Variants in GUCY2D observed in about 807,000 individuals in gnomAD.
GUCY2D encodes retinal guanylyl cyclase 1.
A neutral mutation model predicts 101.3 loss-of-function variants in GUCY2D; 70 were observed. That is an observed-to-expected ratio of 0.69 (90% confidence interval 0.57 to 0.84). The LOEUF is 0.84. Among genes scored for constraint, GUCY2D ranks in the 40% least tolerant of loss-of-function variants. The pLI, the probability that GUCY2D is intolerant of heterozygous loss-of-function variation, is 0.00. For missense variants in GUCY2D, 1,460 were observed against 1,542.5 expected, an observed-to-expected ratio of 0.95 and a Z score of 0.90; for synonymous variants, 688 against 670.7, an observed-to-expected ratio of 1.03 and a Z score of -0.40.
At position 8,002,851 on chromosome 17, in the gene GUCY2D, C is replaced by T; in HGVS notation, c.-10+117C>T. 1.8e-6 allele frequency: 1 copy of T among 541,574 alleles called. No individual in the cohort carries two copies. The highest frequency in any genetic ancestry group is 3.2e-6 in the Non-Finnish European group (1 of 312,076). The allele number at this position is 541,574 out of a possible 1,614,324, so 33.5% of individuals were successfully genotyped here. On this transcript the variant is annotated intron_variant, in intron 1 of 19. Transcript: ENST00000254854. The surrounding 1 kb of genome is among the most constrained non-coding windows in gnomAD (Gnocchi z 4.9). Reference sequence around the variant, plus strand: ...GGCAGGCCGGGTGGGAGCGGGAAGCCGGGGCGGCAGAAGGGGGCTTCGGGG... The same window carrying T: ...GGCAGGCCGGGTGGGAGCGGGAAGCTGGGGCGGCAGAAGGGGGCTTCGGGG...
Position 8,014,678 on chromosome 17 carries a change from C to A in GUCY2D, c.2490C>A (p.Asn830Lys). 1 of 1,614,008 alleles carries A rather than the reference C, an allele frequency of 6.2e-7. No homozygotes were observed. The highest frequency in any genetic ancestry group is 8.5e-7 in the Non-Finnish European group (1 of 1,179,932). ...GGATGCTGGAGCAGTACTCTAGTAA[C>A]CTGGAGGATCTGATCCGGGAGCGCA... Reference protein sequence around the residue: ...MLRMLEQYSSNLEDLIRERTE... With the variant: ...MLRMLEQYSSKLEDLIRERTE... Residue 830 changes from asparagine (N) to lysine (K), a missense_variant, in exon 13 of 20, where the codon AAC becomes AAA. Transcript: ENST00000254854. This position sits in a 1 kb window ranked among gnomAD's most constrained non-coding sequence, Gnocchi z 4.0.
chr17:8,007,895 A>G (rs762303998), intron 6 of GUCY2D, 36 bp from the exon 7 acceptor site: 9 of 1,304,518 alleles, frequency 6.9e-6, no homozygotes, highest in Non-Finnish European at 1.0e-5. Context: ...ACACCAGAAT[A>G]TATTTTGACC....
In GUCY2D at chr17:8,006,443, T is replaced by TGGC. The variant is rs776680792; in HGVS notation, c.1108_1110dup (p.Gly370dup). ...TGGCAGAAGCGCGGGCTGCCGCAGG[T>TGGC]GGCAGATGGGTGTCCGGAGCAGCTG... On this transcript the variant is annotated inframe_insertion, in exon 4 of 20. Transcript: ENST00000254854. 2 of 1,604,804 alleles carry TGGC rather than the reference T, an allele frequency of 1.2e-6. No individual in the cohort carries two copies. The highest frequency in any genetic ancestry group is 2.2e-5 in the South Asian group (2 of 91,088).
At position 8,016,288 on chromosome 17, in the gene GUCY2D, G is replaced by A. The variant is rs777954711; in HGVS notation, c.3222G>A (p.Pro1074=). 6.4e-7 allele frequency: 1 copy of A among 1,563,178 alleles called. No individual in the cohort carries two copies. Among genetic ancestry groups the A allele is most frequent in the Non-Finnish European group, 8.7e-7 (1 of 1,152,038 alleles). The part of the protein sequence containing the change: ...KPIPKPPDLQ[P]GSSNHGISLQ... ...TCCCCAAACCGCCTGACCTGCAACC[G>A]GGGTGAGGGGCCGGCCTCCGCGGCA... The change falls in exon 18 of 20, where the codon CCG becomes CCA. Residue 1074 remains proline (P), a splice_region_variant and synonymous_variant. Transcript: ENST00000254854.
rs746924059 is a variant in GUCY2D at position 8,004,015 on chromosome 17, C to T, written c.885C>T (p.Leu295=). ...CAGGCCCGGAGGCCTTGGCCGCACTCGCCAACAGCTCCCAGCTTCGCAGGG... is the reference window on the plus strand; with the variant it reads ...CAGGCCCGGAGGCCTTGGCCGCACTTGCCAACAGCTCCCAGCTTCGCAGGG... ...LSPGPEALAA[L]ANSSQLRRAH... is the part of the protein sequence containing the mutation. The change falls in exon 3 of 20, where the codon CTC becomes CTT. Residue 295 remains leucine, a synonymous_variant. Transcript: ENST00000254854. 1.1e-5 allele frequency: 17 copies of T among 1,612,818 alleles called. No individual in the cohort carries two copies. In the Admixed American group the frequency reaches 2.0e-4, roughly 19 times the overall value.
chr17:8,010,507 G>C (rs1398990413), intron 8 of GUCY2D, among the ~76,000 whole-genome samples: 1 of 152,068 alleles, frequency 6.6e-6, no homozygotes, highest in African/African-American at 2.4e-5. Context: ...TTAATACCAG[G>C]TGTTTAAAAT....
At chr17:8,010,652 A>G (rs1053578662) in intron 8 of GUCY2D, among the ~76,000 whole-genome samples, 1 of 151,620 alleles carries the variant, frequency 6.6e-6, no homozygotes, top group Non-Finnish European at 1.5e-5. Context: ...TAAAAATACA[A>G]AAAAAATTAG....
Position 8,007,492 on chromosome 17 carries a change from C to T in GUCY2D, c.1530C>T (p.Ile510=), listed in dbSNP as rs1476487302. 6.2e-7 allele frequency: 1 copy of T among 1,611,570 alleles called. No individual in the cohort carries two copies. Among genetic ancestry groups the T allele is most frequent in the Non-Finnish European group, 8.5e-7 (1 of 1,177,678 alleles). ...PNKIILTVDD[I]TFLHPHGGTS... is the part of the protein sequence containing the mutation. ...AGATCATCCTGACCGTGGACGACAT[C>T]ACCTTTCTCCACCCACATGGGGGCA... is the stretch of plus-strand genomic sequence containing the variant. Residue 510 remains isoleucine (I), a synonymous_variant, in exon 6 of 20, where the codon ATC becomes ATT. Coordinates refer to ENST00000254854, the MANE Select transcript of GUCY2D (RefSeq NM_000180.4).
Position 8,004,064 on chromosome 17 carries a change from A to G in GUCY2D, c.934A>G (p.Thr312Ala), listed in dbSNP as rs762211580. The G allele has an allele frequency of 1.7e-5, 28 of 1,606,826 alleles. No homozygotes were observed. The highest frequency in any genetic ancestry group is 1.6e-4 in the Middle Eastern group (1 of 6,078). ...RRAHDAVLTL[T>A]RHCPSEGSVL... ...GGCCCACGATGCCGTGCTCACCCTCACGCGCCACTGTCCCTCTGAAGGCAG... is the reference window on the plus strand; with the variant it reads ...GGCCCACGATGCCGTGCTCACCCTCGCGCGCCACTGTCCCTCTGAAGGCAG... Residue 312 changes from threonine to alanine, a missense_variant, in exon 3 of 20, where the codon ACG (threonine) becomes GCG (alanine). Around this residue, in one of 3 missense-constraint regions of GUCY2D, gnomAD observed 1,196 missense variants for 1,229.6 expected, o/e 0.97. Coordinates refer to ENST00000254854, the MANE Select transcript of GUCY2D (RefSeq NM_000180.4).
At chr17:8,019,226 A>G (rs1598153229) in intron 19 of GUCY2D, among the ~76,000 whole-genome samples, 1 of 151,792 alleles carries the variant, frequency 6.6e-6, no homozygotes, top group African/African-American at 2.4e-5. Flanking sequence ...TCCCTCCCGT[A>G]CCCGACCCTG....
At chr17:8,007,826 T>G in intron 6 of GUCY2D, 105 bp from the exon 7 acceptor site, 1 of 743,068 alleles carries the variant, frequency 1.3e-6, no homozygotes, top group Non-Finnish European at 2.5e-6. Flanking sequence ...TCATTGAGAT[T>G]CCTTCGCCTC....
At chr17:8,005,316 C>G (rs1975716902) in intron 3 of GUCY2D, among the ~76,000 whole-genome samples, 1 of 152,176 alleles carries the variant, frequency 6.6e-6, no homozygotes, top group Non-Finnish European at 1.5e-5. Flanking sequence ...ACACCTTTCT[C>G]CAGATCAAGC....
In GUCY2D at chr17:8,013,170, C is replaced by T. The variant is rs140628227; in HGVS notation, c.2181C>T (p.Gly727=). The T allele has an allele frequency of 1.2e-5, 19 of 1,613,976 alleles. No individual in the cohort carries two copies. The highest frequency in any genetic ancestry group is 5.3e-5 in the African/African-American group (4 of 75,036). ...TGGAGCGCCGGGGAACGCTGGCCGG[C>T]GACGTCTTTAGCTTGGCCATCATCA... ...PALERRGTLA[G]DVFSLAIIMQ... Residue 727 remains glycine, a synonymous_variant, in exon 11 of 20, where the codon GGC becomes GGT. Coordinates refer to ENST00000254854, the MANE Select transcript of GUCY2D (RefSeq NM_000180.4). The surrounding 1 kb of genome is among the most constrained non-coding windows in gnomAD (Gnocchi z 5.0).
rs760202269 is a variant in GUCY2D, at chr17:8,014,883, G to A, written c.2601G>A (p.Thr867=). The A allele has an allele frequency of 1.1e-5, 17 of 1,614,094 alleles. No individual in the cohort carries two copies. The highest frequency in any genetic ancestry group is 2.2e-5 in the South Asian group (2 of 91,070). ...GGTCTGTGGCTGAGGCCTTGAAGAC[G>A]GGGACACCAGTGGAGCCCGAGTACT... ...LPPSVAEALK[T]GTPVEPEYFE... The change falls in exon 14 of 20, where the codon ACG becomes ACA. Residue 867 remains threonine (T), a synonymous_variant. Transcript: ENST00000254854. This position sits in a 1 kb window ranked among gnomAD's most constrained non-coding sequence, Gnocchi z 4.0.
In GUCY2D at chr17:8,015,819, G is replaced by A. The variant is rs34466558; in HGVS notation, c.3021G>A (p.Ser1007=). The change falls in exon 16 of 20, where the codon TCG becomes TCA. Residue 1007 remains serine (S), a synonymous_variant. Coordinates refer to ENST00000254854, the MANE Select transcript of GUCY2D (RefSeq NM_000180.4). The part of the protein sequence containing the change: ...CLFGDTVNTA[S]RMESTGLPYR... ...TTGGGGACACGGTCAACACCGCCTC[G>A]CGCATGGAGTCCACCGGGCTGCGTG... 1.2e-6 allele frequency: 2 copies of A among 1,612,516 alleles called. No individual in the cohort carries two copies. Among genetic ancestry groups the A allele is most frequent in the Non-Finnish European group, 1.7e-6 (2 of 1,179,418 alleles).
chr17:8,002,952 C>G lies in GUCY2D; in HGVS notation c.-9-87C>G. 3.8e-6 allele frequency: 4 copies of G among 1,047,476 alleles called. No individual in the cohort carries two copies. The highest frequency in any genetic ancestry group is 5.5e-6 in the Non-Finnish European group (4 of 732,022). The allele number at this position is 1,047,476 out of a possible 1,614,324, so 64.9% of individuals were successfully genotyped here. ...CAGCAGAATCATCCCATGGGTTACTCGGGCTTGGAGAAACTCGGGGTTACG... is the reference window on the plus strand; with the variant it reads ...CAGCAGAATCATCCCATGGGTTACTGGGGCTTGGAGAAACTCGGGGTTACG... On this transcript the variant is annotated intron_variant, in intron 1 of 19. Coordinates refer to ENST00000254854, the MANE Select transcript of GUCY2D (RefSeq NM_000180.4). The surrounding 1 kb of genome is among the most constrained non-coding windows in gnomAD (Gnocchi z 4.9).
rs1156589549 is a variant in GUCY2D, at chr17:8,020,151, C to A, written c.*48C>A. 2.0e-5 allele frequency: 3 copies of A among 147,824 alleles called. No individual in the cohort carries two copies. In the South Asian group the frequency reaches 6.5e-4, roughly 32 times the overall value. 9.2% of individuals were successfully genotyped at this position (147,824 alleles called of 1,614,324 possible). On this transcript the variant is annotated 3_prime_UTR_variant, in exon 20 of 20. Coordinates refer to ENST00000254854, the MANE Select transcript of GUCY2D (RefSeq NM_000180.4). ...AGGGTCTGGGCCCTGCTCCCTGTCC[C>A]ATCTGCAGTGGACCCCAGGCACCCC...
At chr17:8,015,904 C>G in intron 16 of GUCY2D, 23 bp from the exon 17 acceptor site, 1 of 1,597,130 alleles carries the variant, frequency 6.3e-7, no homozygotes, top group Non-Finnish European at 8.5e-7. Flanking sequence ...GTCCCGAGCT[C>G]ACGGCGTCCC....
At position 8,004,046 on chromosome 17, in the gene GUCY2D, G is replaced by C. The variant is rs1165027778; in HGVS notation, c.916G>C (p.Asp306His). 6.2e-7 allele frequency: 1 copy of C among 1,610,164 alleles called. No individual in the cohort carries two copies. The highest frequency in any genetic ancestry group is 1.3e-5 in the African/African-American group (1 of 74,926). Residue 306 changes from aspartate (D) to histidine (H), a missense_variant, in exon 3 of 20, where the codon GAT (aspartate) becomes CAT (histidine). By Grantham distance (81) the Asp-to-His change is moderately conservative. Coordinates refer to ENST00000254854, the MANE Select transcript of GUCY2D (RefSeq NM_000180.4). ...CAGCTCCCAGCTTCGCAGGGCCCAC[G>C]ATGCCGTGCTCACCCTCACGCGCCA... The part of the protein sequence containing the change: ...ANSSQLRRAH[D>H]AVLTLTRHCP...
Sources: gnomAD v4.1 joint callset for allele counts (sites outside exome capture counted in the v4.1 genomes callset) on GRCh38, gnomAD v4.1.1 for gene constraint, gnomAD v4.1.1 regional missense constraint, Gnocchi (gnomAD v3.1) non-coding constraint, MANE v1.5 for transcripts, NCBI Gene and HGNC (gene_info 2026-07-23, HGNC 2026-07-21) for gene names.